Variants in EPM2A observed in about 807,000 individuals in gnomAD.
EPM2A encodes the protein laforin.
A neutral mutation model predicts 26.5 loss-of-function variants in EPM2A; 21 were observed. The observed-to-expected ratio is 0.79, with a 90% CI of 0.56 to 1.14. The LOEUF (loss-of-function observed/expected upper bound fraction) is 1.14. Among genes scored for constraint, EPM2A ranks in the 50% most tolerant of loss-of-function variants. The pLI is 0.00. For missense variants in EPM2A, 458 were observed against 440.8 expected (o/e 1.04, Z -0.35); for synonymous variants, 217 against 177.6 (o/e 1.22, Z -1.76).
chr6:145,588,067 C>A (rs1043416861), intron 2 of EPM2A, among the ~76,000 whole-genome samples: 1 of 152,136 alleles, frequency 6.6e-6, no homozygotes, highest in African/African-American at 2.4e-5. Context: ...TGACAATGAA[C>A]ACCAAAAACC....
At chr6:145,619,821 C>T (rs1164118372) in intron 2 of EPM2A, among the ~76,000 whole-genome samples, 1 of 152,090 alleles carries the variant, frequency 6.6e-6, no homozygotes, top group Non-Finnish European at 1.5e-5. Context: ...TACCAGTGAG[C>T]ATAAGTCAGT....
intron 2 of EPM2A, among the ~76,000 whole-genome samples, chr6:145,519,335 G>T (rs565088532): frequency 6.6e-6 from 1 of 152,078 alleles, no homozygotes; most frequent in African/African-American, 2.4e-5. Context: ...TAGAGAAAAG[G>T]CATGAGAGAG....
intron 4 of EPM2A, among the ~76,000 whole-genome samples, chr6:145,397,706 C>T (rs1029975590): frequency 3.9e-5 from 6 of 152,154 alleles, no homozygotes; most frequent in Non-Finnish European, 7.4e-5. Context: ...CATTTAGCCC[C>T]ATTGAAAAGG....
At chr6:145,402,297 A>G (rs1404864725) in intron 4 of EPM2A, among the ~76,000 whole-genome samples, 1 of 152,132 alleles carries the variant, frequency 6.6e-6, no homozygotes, top group African/African-American at 2.4e-5. Flanking sequence ...GTTGAATCTA[A>G]TTATGAAGAC....
rs1034237982 is a variant in EPM2A, at chr6:145,440,160, T to C, written c.556-56063A>G. Among the ~76,000 whole-genome samples the C allele has an allele frequency of 2.0e-5, 3 of 152,196 alleles. No homozygotes were observed. In the East Asian group the frequency reaches 5.8e-4, roughly 29 times the overall value. Reference sequence around the variant, plus strand: ...TTTAATGTACTCAGCTCCACATGGCTGGGAAGCCTCACAATCATGGCAGAA... The same window carrying C: ...TTTAATGTACTCAGCTCCACATGGCCGGGAAGCCTCACAATCATGGCAGAA... On this transcript the variant is annotated intron_variant, in intron 4 of 4. Coordinates refer to the EPM2A transcript ENST00000638717.
intron 2 of EPM2A, among the ~76,000 whole-genome samples, chr6:145,510,265 G>A (rs1275161706): frequency 5.3e-5 from 8 of 151,980 alleles, no homozygotes; most frequent in East Asian, 1.9e-4. Flanking sequence ...ACAGAATACT[G>A]CACCCAACAA....
chr6:145,412,835 A>C (rs2114676534), intron 4 of EPM2A, among the ~76,000 whole-genome samples: 1 of 152,262 alleles, frequency 6.6e-6, no homozygotes, highest in South Asian at 2.1e-4. Flanking sequence ...ATTTTGCAAG[A>C]GGCCCTGAGA....
At chr6:145,388,636 G>GT (rs1778294940) in intron 4 of EPM2A, among the ~76,000 whole-genome samples, 1 of 152,006 alleles carries the variant, frequency 6.6e-6, no homozygotes, top group Non-Finnish European at 1.5e-5. Flanking sequence ...TCTACATTAG[G>GT]TATTTCTCCT....
At chr6:145,491,944 G>C in intron 4 of EPM2A, 1 of 462,800 alleles carries the variant, frequency 2.2e-6, no homozygotes, top group Non-Finnish European at 4.2e-6. Flanking sequence ...AGCCAAAAGA[G>C]CCTTGTGAGC....
At chr6:145,586,655 C>T (rs757841920) in intron 2 of EPM2A, among the ~76,000 whole-genome samples, 9 of 152,084 alleles carry the variant, frequency 5.9e-5, no homozygotes, top group South Asian at 2.1e-4. Flanking sequence ...AACTCAAAGA[C>T]GCATGCCTTC....
intron 2 of EPM2A, among the ~76,000 whole-genome samples, chr6:145,544,270 CA>C (rs769880573): frequency 2.0e-5 from 3 of 152,146 alleles, no homozygotes; most frequent in Non-Finnish European, 4.4e-5. Flanking sequence ...TGGCAGAGGA[CA>C]AAGTCAGTGA....
intron 2 of EPM2A, among the ~76,000 whole-genome samples, chr6:145,594,179 C>T (rs1781310046): frequency 6.6e-6 from 1 of 151,664 alleles, no homozygotes; most frequent in Admixed American, 6.6e-5. Context: ...TGGGCCAGTA[C>T]CTTAAAAGAC....
intron 3 of EPM2A, chr6:145,629,280 T>G (rs1044417212): frequency 1.3e-5 from 2 of 152,270 alleles, no homozygotes; most frequent in Admixed American, 1.3e-4. Context: ...AGTTACCAGC[T>G]TCTATGTATA....
chr6:145,501,783 T>C (rs1255471008), exon 4 of EPM2A: 2 of 470,844 alleles, frequency 4.2e-6, no homozygotes, highest in African/African-American at 2.0e-5. Context: ...CGAGATATAA[T>C]AAGGTTAGGG....
At chr6:145,678,734 A>C (rs1046404308) in intron 2 of EPM2A, among the ~76,000 whole-genome samples, 2 of 152,122 alleles carry the variant, frequency 1.3e-5, no homozygotes, top group African/African-American at 4.8e-5. Flanking sequence ...AGTGATCATT[A>C]AAAAGTCAGG....
At chr6:145,693,728 T>C (rs1781410437) in intron 1 of EPM2A, among the ~76,000 whole-genome samples, 2 of 152,124 alleles carry the variant, frequency 1.3e-5, no homozygotes, top group African/African-American at 2.4e-5. Flanking sequence ...AAAGTAAACA[T>C]ATAAATCGCT....
intron 4 of EPM2A, among the ~76,000 whole-genome samples, chr6:145,487,656 T>G (rs442808): frequency 0.3 from 45,019 of 152,002 alleles, 7,004 homozygotes; most frequent in South Asian, 0.49. Flanking sequence ...GAAAAGTGTC[T>G]GTTCATGTTC....
chr6:145,401,458 A>G (rs971389183), intron 4 of EPM2A, among the ~76,000 whole-genome samples: 1 of 152,126 alleles, frequency 6.6e-6, no homozygotes, highest in African/African-American at 2.4e-5. Flanking sequence ...GTTGATGCTC[A>G]GAATGTATTT....
In EPM2A at chr6:145,627,435, G is replaced by C. The variant is rs1404589826; in HGVS notation, c.977C>G (p.Ser326Cys). 1 of 1,614,208 alleles carries C rather than the reference G, an allele frequency of 6.2e-7. No homozygotes were observed. Among genetic ancestry groups the C allele is most frequent in the Admixed American group, 1.7e-5 (1 of 60,030 alleles). The part of the protein sequence containing the change: ...DFFQKFGKVR[S>C]SVCSL ...GACCAGCTACAGGCTACACACAGAA[G>C]AACGAACCTTCCCAAATTTCTGGAA... Residue 326 changes from serine (S) to cysteine (C), a missense_variant, in exon 4 of 4, where the codon TCT (serine) becomes TGT (cysteine). By Grantham distance (112) the Ser-to-Cys change is moderately radical. Transcript: ENST00000367519.
Sources: gnomAD v4.1 joint callset for allele counts (sites outside exome capture counted in the v4.1 genomes callset) on GRCh38, gnomAD v4.1.1 for gene constraint, MANE v1.5 for transcripts, NCBI Gene and HGNC (gene_info 2026-07-23, HGNC 2026-07-21) for gene names.